Variants in SCLT1 observed in about 807,000 individuals in gnomAD.
SCLT1 encodes sodium channel and clathrin linker 1.
A neutral mutation model predicts 112.8 loss-of-function variants in SCLT1; 78 were observed. The ratio of observed to expected loss-of-function variants is 0.69; its 90% CI spans 0.58 to 0.83. The LOEUF is 0.83. Ranked by LOEUF, SCLT1 falls within the 40% of genes least tolerant of loss-of-function variation. The probability of loss-of-function intolerance (pLI) is 0.00; values close to 1 mark genes in which losing one functional copy is unlikely to be tolerated. For synonymous variants in SCLT1, 257 were observed against 254.7 expected (o/e 1.01, Z -0.09); for missense variants, 747 against 770.4 (o/e 0.97, Z 0.36).
At chr4:128,993,064 G>T (rs1439440007) in intron 8 of SCLT1, among the ~76,000 whole-genome samples, 3 of 151,828 alleles carry the variant, frequency 2.0e-5, no homozygotes, top group African/African-American at 7.2e-5. Context: ...CTTTCATTGT[G>T]CTTCTCTCAT....
At chr4:128,973,177 C>G (rs1333512973) in intron 9 of SCLT1, among the ~76,000 whole-genome samples, 1 of 151,930 alleles carries the variant, frequency 6.6e-6, no homozygotes, top group Non-Finnish European at 1.5e-5. Context: ...TGGCAAAAAC[C>G]CTATATCTCA....
intron 9 of SCLT1, among the ~76,000 whole-genome samples, chr4:128,980,372 C>T (rs1015967599): frequency 6.6e-5 from 10 of 151,016 alleles, no homozygotes; most frequent in Non-Finnish European, 1.3e-4. Context: ...TCAGCACACA[C>T]ATTTTTAAAG....
intron 5 of SCLT1, among the ~76,000 whole-genome samples, chr4:129,022,498 A>G (rs940938694): frequency 1.3e-5 from 2 of 152,228 alleles, no homozygotes; most frequent in Non-Finnish European, 2.9e-5. Flanking sequence ...TTAGTGAAGC[A>G]TACAAAAGTA....
chr4:129,087,964 G>C lies in SCLT1; in HGVS notation c.34+5106C>G, dbSNP rs79962125. On this transcript the variant is annotated intron_variant, in intron 1 of 20. Coordinates refer to ENST00000281142, the MANE Select transcript of SCLT1 (RefSeq NM_144643.4). Reference sequence around the variant, plus strand: ...TAGCCAGATATGGTGGCATGTGCCTGTAGTCCCAGCTTCTCAGGAGGCTGA... The same window carrying C: ...TAGCCAGATATGGTGGCATGTGCCTCTAGTCCCAGCTTCTCAGGAGGCTGA... Among the ~76,000 whole-genome samples, 577 of 151,624 alleles carry C rather than the reference G, an allele frequency of 3.8e-3. 1 individual carries two copies. The highest frequency in any genetic ancestry group is 0.012 in the African/African-American group (480 of 41,316).
At chr4:128,937,048 G>A (rs907251268) in intron 17 of SCLT1, among the ~76,000 whole-genome samples, 197 bp from the exon 18 acceptor site, 8 of 152,116 alleles carry the variant, frequency 5.3e-5, no homozygotes, top group Non-Finnish European at 8.8e-5. Context: ...GGAGGCCAAG[G>A]TGGGCAGATC....
chr4:128,997,395 G>A (rs1458335938), intron 8 of SCLT1: 1 of 151,840 alleles, frequency 6.6e-6, no homozygotes, highest in Non-Finnish European at 1.5e-5. Flanking sequence ...GAGAGAATAA[G>A]AAGGTAAAGA....
chr4:129,080,984 A>G lies in SCLT1; in HGVS notation c.102+1322T>C, dbSNP rs73847402. Among the ~76,000 whole-genome samples the G allele has an allele frequency of 6.3e-3, 954 of 152,208 alleles. 7 individuals are homozygous for G. Among genetic ancestry groups the G allele is most frequent in the African/African-American group, 0.022 (906 of 41,518 alleles). On this transcript the variant is annotated intron_variant, in intron 2 of 20. Transcript: ENST00000281142. Reference sequence around the variant, plus strand: ...AGAAAAGTCTCCTTATTGCCTTTATATGTTTATGCCCCGAGAGCATAACAG... The same window carrying G: ...AGAAAAGTCTCCTTATTGCCTTTATGTGTTTATGCCCCGAGAGCATAACAG...
intron 19 of SCLT1, 102 bp from the exon 20 acceptor site, chr4:128,888,876 A>G: frequency 1.8e-6 from 1 of 549,462 alleles, no homozygotes; most frequent in Non-Finnish European, 3.2e-6. Flanking sequence ...TACCACTTAT[A>G]AAATACAAAG....
chr4:129,003,798 T>A lies in SCLT1; in HGVS notation c.369A>T (p.Ile123=). 1 of 1,612,346 alleles carries A rather than the reference T, an allele frequency of 6.2e-7. No individual in the cohort carries two copies. The highest frequency in any genetic ancestry group is 8.5e-7 in the Non-Finnish European group (1 of 1,179,002). The change falls in exon 6 of 21, where the codon ATA becomes ATT. Residue 123 remains isoleucine (I), a synonymous_variant. Coordinates refer to ENST00000281142, the MANE Select transcript of SCLT1 (RefSeq NM_144643.4). The part of the protein sequence containing the change: ...FPLGTEVGTD[I]YADDETVRNL... The stretch of plus-strand genomic sequence containing the variant: ...TTCTGACTGTTTCATCATCTGCATA[T>A]ATGTCAGTTCCTACCTCTGTGCCCA...
intron 5 of SCLT1, among the ~76,000 whole-genome samples, chr4:129,004,861 C>G (rs1365091668): frequency 3.3e-5 from 5 of 151,482 alleles, no homozygotes; most frequent in African/African-American, 1.2e-4. Flanking sequence ...AAGGACAGAG[C>G]TTGAAAATTA....
At chr4:128,969,658 G>A (rs1481841219) in intron 10 of SCLT1, among the ~76,000 whole-genome samples, 1 of 152,100 alleles carries the variant, frequency 6.6e-6, no homozygotes, top group Non-Finnish European at 1.5e-5. Context: ...CCCATACAAA[G>A]GTGTTTTCTG....
chr4:128,957,768 T>C (rs1383585252), intron 12 of SCLT1, among the ~76,000 whole-genome samples: 3 of 152,186 alleles, frequency 2.0e-5, no homozygotes, highest in South Asian at 2.1e-4. Flanking sequence ...GATCTCCATA[T>C]TGATTATCTA....
At chr4:129,083,450 C>CAAAAAAA (rs10708320) in intron 1 of SCLT1, among the ~76,000 whole-genome samples, 3 of 116,410 alleles carry the variant, frequency 2.6e-5, no homozygotes, top group East Asian at 2.4e-4. Context: ...TATCAAGAAC[C>CAAAAAAA]AAAAAAAAAA....
chr4:129,069,719 C>T (rs1237511968), intron 2 of SCLT1, among the ~76,000 whole-genome samples: 1 of 152,110 alleles, frequency 6.6e-6, no homozygotes. Context: ...GTTTCACTTC[C>T]TCTTTGCCAA....
chr4:128,949,379 CT>C (rs1157161348), intron 14 of SCLT1, among the ~76,000 whole-genome samples: 2 of 151,524 alleles, frequency 1.3e-5, no homozygotes, highest in African/African-American at 2.4e-5. Context: ...ATTTCTGTCC[CT>C]TTTTTTTAAT....
chr4:128,964,931 A>G (rs1740045993), intron 11 of SCLT1, among the ~76,000 whole-genome samples: 1 of 152,236 alleles, frequency 6.6e-6, no homozygotes, highest in South Asian at 2.1e-4. Flanking sequence ...GTTTCCTAAA[A>G]AGTACTGGAC....
intron 13 of SCLT1, among the ~76,000 whole-genome samples, chr4:128,953,855 A>G (rs887604575): frequency 2.1e-4 from 32 of 152,010 alleles, no homozygotes; most frequent in African/African-American, 7.0e-4. Flanking sequence ...TGACTCATAA[A>G]CAGAATACTT....
intron 18 of SCLT1, among the ~76,000 whole-genome samples, chr4:128,925,354 T>C (rs1736212284): frequency 6.6e-6 from 1 of 152,102 alleles, no homozygotes; most frequent in Non-Finnish European, 1.5e-5. Context: ...AGTTCTTTTT[T>C]TTTTTGGAGC....
chr4:128,992,016 C>T, intron 9 of SCLT1, 151 bp downstream of exon 9: 1 of 569,384 alleles, frequency 1.8e-6, no homozygotes, highest in South Asian at 2.3e-5. Flanking sequence ...AGTTTCTTCC[C>T]ATCCTAACAG....
Sources: gnomAD v4.1 joint callset for allele counts (sites outside exome capture counted in the v4.1 genomes callset) on GRCh38, gnomAD v4.1.1 for gene constraint, MANE v1.5 for transcripts, NCBI Gene and HGNC (gene_info 2026-07-23, HGNC 2026-07-21) for gene names.